The following DNAH8 variants were observed in gnomAD, a reference collection of about 807,000 sequenced individuals.
DNAH8 encodes the protein dynein axonemal heavy chain 8.
In DNAH8, 382 loss-of-function variants were observed where a neutral mutation model predicts 562.1. That is an observed-to-expected ratio of 0.68 (90% CI 0.63 to 0.74). The LOEUF is 0.74. DNAH8 is among the 30% of genes least tolerant of loss of function. The pLI, the probability that DNAH8 is intolerant of heterozygous loss-of-function variation, is 0.00. For synonymous variants in DNAH8, 1,881 were observed against 1,919.4 expected, an observed-to-expected ratio of 0.98 and a Z score of 0.52; for missense variants, 5,203 against 5,620.4, an observed-to-expected ratio of 0.93 and a Z score of 2.37.
At chr6:38,828,356 A>G in intron 30 of DNAH8, 68 bp downstream of exon 30, 2 of 947,758 alleles carry the variant, frequency 2.1e-6, no homozygotes, top group Non-Finnish European at 3.1e-6. Flanking sequence ...GGTATTTTAT[A>G]CCTTTTTAAA....
rs1043807764 is a variant in DNAH8, at chr6:38,839,190, G to A, written c.4466+1148G>A. Reference sequence around the variant, plus strand: ...TCTGCATTTTACACACTCTCCAGGTGACTGTGATGCACACTCAGCCTGAGA... The same window carrying A: ...TCTGCATTTTACACACTCTCCAGGTAACTGTGATGCACACTCAGCCTGAGA... On this transcript the variant is annotated intron_variant, in intron 33 of 92. Transcript: ENST00000327475. Among the ~76,000 whole-genome samples the A allele has an allele frequency of 6.6e-5, 10 of 152,160 alleles. 1 individual carries two copies. Among genetic ancestry groups the A allele is most frequent in the Admixed American group, 6.5e-5 (1 of 15,284 alleles).
rs762160890 is a variant in DNAH8 at position 38,783,138 on chromosome 6, C to T, written c.2394C>T (p.Tyr798=). 1.8e-5 allele frequency: 29 copies of T among 1,613,656 alleles called. No homozygotes were observed. Among genetic ancestry groups the T allele is most frequent in the Middle Eastern group, 1.6e-4 (1 of 6,082 alleles). ...TCAGAGAGATTTCACAGTTGCATTA[C>T]GGTGTGTATAACACTGCCATGAGCC... ...AWIREISQLH[Y]ALQATLFVRH... is the part of the protein sequence containing the mutation. Residue 798 remains tyrosine, a splice_region_variant and synonymous_variant, in exon 17 of 93, where the codon TAC becomes TAT. Transcript: ENST00000327475.
Position 38,909,748 on chromosome 6 carries a change from A to C in DNAH8, c.9740+4A>C. On this transcript the variant is annotated splice_donor_region_variant and intron_variant, in intron 65 of 92. Coordinates refer to ENST00000327475, the MANE Select transcript of DNAH8 (RefSeq NM_001206927.2). ...GCTGTGAAAGTTATTTCCAAAGGTA[A>C]GTGATATTACATAAGCACCATCGCT... 1 of 1,611,226 alleles carries C rather than the reference A, an allele frequency of 6.2e-7. No homozygotes were observed. Among genetic ancestry groups the C allele is most frequent in the South Asian group, 1.1e-5 (1 of 91,024 alleles).
At position 38,769,226 on chromosome 6, in the gene DNAH8, T is replaced by A. The variant is rs184540610; in HGVS notation, c.1618-1187T>A. On this transcript the variant is annotated intron_variant, in intron 11 of 92. Transcript: ENST00000327475. ...TTCAGAGCCAACTCATTTAAAAAAA[T>A]TTTTTTATTATACTTTAAGTTCTGG... Among the ~76,000 whole-genome samples the A allele has an allele frequency of 3.5e-3, 540 of 152,262 alleles. 5 individuals are homozygous for A. The highest frequency in any genetic ancestry group is 0.012 in the Admixed American group (181 of 15,254).
chr6:38,915,479 T>G, intron 68 of DNAH8, 102 bp downstream of exon 68: 3 of 980,514 alleles, frequency 3.1e-6, no homozygotes, highest in Non-Finnish European at 4.1e-6. Context: ...ATTCTTAATG[T>G]GATTGATAAT....
intron 8 of DNAH8, among the ~76,000 whole-genome samples, chr6:38,748,793 T>TAATAATAA (rs1765178872): frequency 5.6e-5 from 4 of 70,862 alleles, no homozygotes; most frequent in Non-Finnish European, 1.2e-4. Context: ...AATAATAATA[T>TAATAATAA]AACATTTATT....
At chr6:38,796,642 G>A (rs1770277733) in intron 21 of DNAH8, among the ~76,000 whole-genome samples, 1 of 152,128 alleles carries the variant, frequency 6.6e-6, no homozygotes, top group African/African-American at 2.4e-5. Flanking sequence ...GAAAATCCCT[G>A]TCCTGTTCTG....
intron 24 of DNAH8, among the ~76,000 whole-genome samples, chr6:38,811,052 G>A (rs918204797): frequency 1.3e-5 from 2 of 152,070 alleles, no homozygotes; most frequent in African/African-American, 2.4e-5. Context: ...TAATGTTTCT[G>A]CAGTTTTCTT....
rs777711800 is a variant in DNAH8 at position 38,815,452 on chromosome 6, T to A, written c.3334-16T>A. 4.4e-6 allele frequency: 7 copies of A among 1,603,508 alleles called. No individual in the cohort carries two copies. The highest frequency in any genetic ancestry group is 6.0e-6 in the Non-Finnish European group (7 of 1,171,190). On this transcript the variant is annotated splice_polypyrimidine_tract_variant and intron_variant, in intron 25 of 92. Coordinates refer to ENST00000327475, the MANE Select transcript of DNAH8 (RefSeq NM_001206927.2). ...ATGTGCCGGCAGTATTACACATTTG[T>A]TTCTTCTTTCCACAGGTGATGATTC...
At chr6:38,833,353 C>G (rs1774007904) in intron 31 of DNAH8, among the ~76,000 whole-genome samples, 1 of 151,562 alleles carries the variant, frequency 6.6e-6, no homozygotes, top group South Asian at 2.1e-4. Context: ...ACAGACACAG[C>G]CAGTCACTTA....
chr6:38,744,030 C>G (rs1764729209), intron 8 of DNAH8: 1 of 152,136 alleles, frequency 6.6e-6, no homozygotes, highest in South Asian at 2.1e-4. Flanking sequence ...AGGTTGGACA[C>G]TCCACAACTT....
At chr6:38,930,469 T>C (rs984797863) in intron 75 of DNAH8, among the ~76,000 whole-genome samples, 7 of 152,176 alleles carry the variant, frequency 4.6e-5, no homozygotes, top group Admixed American at 3.9e-4. Flanking sequence ...GAAAATCTTT[T>C]ATATGCCGCA....
chr6:38,738,575 C>G (rs72858231), intron 7 of DNAH8, among the ~76,000 whole-genome samples: 18,672 of 152,186 alleles, frequency 0.12, 1,378 homozygotes, highest in Admixed American at 0.22. Context: ...AAAGAGGATT[C>G]TAGGAACCGC....
intron 1 of DNAH8, among the ~76,000 whole-genome samples, chr6:38,715,927 T>TAAATAAATAAATAAATAAATAA (rs1295765006): frequency 6.3e-5 from 2 of 31,608 alleles, no homozygotes; most frequent in African/African-American, 3.1e-4. Flanking sequence ...AATAAATAAA[T>TAAATAAATAAATAAATAAATAA]ATATATATAT....
rs1450331503 is a variant in DNAH8 at position 38,842,673 on chromosome 6, C to A, written c.4615C>A (p.Leu1539Ile). ...LLEFQNRCRKLPKGLKDWQAF... is the reference protein window; with the variant it reads ...LLEFQNRCRKIPKGLKDWQAF... ...CTTTCTTTCTGAAAGATGTCGTAAA[C>A]TTCCAAAAGGACTTAAAGATTGGCA... The change falls in exon 35 of 93, where the codon CTT (leucine) becomes ATT (isoleucine). Residue 1539 changes from leucine (L) to isoleucine (I), a missense_variant. Physicochemically the swap from Leu to Ile is conservative, Grantham distance 5. Coordinates refer to ENST00000327475, the MANE Select transcript of DNAH8 (RefSeq NM_001206927.2). 2 of 1,610,684 alleles carry A rather than the reference C, an allele frequency of 1.2e-6. No individual in the cohort carries two copies. Among genetic ancestry groups the A allele is most frequent in the African/African-American group, 1.3e-5 (1 of 74,708 alleles).
intron 34 of DNAH8, 65 bp from the exon 35 acceptor site, chr6:38,842,598 A>G (rs1774906154): frequency 2.5e-6 from 4 of 1,588,578 alleles, no homozygotes; most frequent in Non-Finnish European, 3.4e-6. Flanking sequence ...AATAGTGTAT[A>G]TACATAAAAC....
At chr6:38,929,275 T>TA in intron 74 of DNAH8, 1 of 333,732 alleles carries the variant, frequency 3.0e-6, no homozygotes, top group Non-Finnish European at 5.4e-6. Context: ...CAATGCCCCT[T>TA]AACCCTCCTC....
At chr6:38,878,461 G>A (rs531549110) in intron 53 of DNAH8, among the ~76,000 whole-genome samples, 19 of 151,956 alleles carry the variant, frequency 1.3e-4, no homozygotes, top group South Asian at 8.3e-4. Flanking sequence ...GCAGAAGAAA[G>A]AACCATGATC....
rs552045474 is a variant in DNAH8 at position 38,998,082 on chromosome 6, G to A, written c.13214+7910G>A. On this transcript the variant is annotated intron_variant, in intron 88 of 92. Transcript: ENST00000327475. The stretch of plus-strand genomic sequence containing the variant: ...CATCACTTGATGATAGGCTATAATT[G>A]GGCCATGATGGAGAACTCGATGCCC... Among the ~76,000 whole-genome samples the A allele has an allele frequency of 7.2e-5, 11 of 152,232 alleles. 1 individual carries two copies. In the South Asian group the frequency reaches 2.3e-3, roughly 32 times the overall value.
Sources: allele counts gnomAD v4.1 joint callset (sites outside exome capture counted in the v4.1 genomes callset), GRCh38; gene constraint gnomAD v4.1.1; transcripts MANE v1.5; gene names NCBI Gene and HGNC (gene_info 2026-07-23, HGNC 2026-07-21).